Variants in NRXN3 observed in about 807,000 individuals in gnomAD.
NRXN3 encodes neurexin 3.
Under a neutral mutation model 137.6 loss-of-function variants are expected in NRXN3, and 32 were observed. The ratio of observed to expected loss-of-function variants is 0.23; its 90% CI spans 0.18 to 0.31. The LOEUF is 0.31. NRXN3 is among the 10% of genes least tolerant of loss of function. The pLI, the probability that NRXN3 is intolerant of heterozygous loss-of-function variation, is 1.00. For missense variants in NRXN3, 1,574 were observed against 2,062.5 expected, an observed-to-expected ratio of 0.76 and a Z score of 4.59; for synonymous variants, 798 against 784.5, an observed-to-expected ratio of 1.02 and a Z score of -0.29.
At chr14:79,530,246 C>A (rs1567402046) in intron 16 of NRXN3, among the ~76,000 whole-genome samples, 1 of 152,052 alleles carries the variant, frequency 6.6e-6, no homozygotes, top group Non-Finnish European at 1.5e-5. Flanking sequence ...CAGTGTAGGA[C>A]AAGCAGCAGC....
chr14:79,392,013 C>T (rs1039685539), intron 15 of NRXN3, among the ~76,000 whole-genome samples: 6 of 151,904 alleles, frequency 3.9e-5, no homozygotes, highest in Non-Finnish European at 8.8e-5. Context: ...TTTTATTATA[C>T]TTTAAGTTCT....
At chr14:78,679,362 C>CT (rs1253840919) in intron 6 of NRXN3, among the ~76,000 whole-genome samples, 3 of 152,042 alleles carry the variant, frequency 2.0e-5, no homozygotes, top group African/African-American at 7.2e-5. Flanking sequence ...AGTGTGGACC[C>CT]TTTTTTGTGT....
chr14:79,579,561 G>A (rs894362207), intron 16 of NRXN3, among the ~76,000 whole-genome samples: 11 of 151,808 alleles, frequency 7.2e-5, no homozygotes, highest in African/African-American at 2.7e-4. Flanking sequence ...ATCGGTAATA[G>A]AAGTTATTAA....
chr14:78,914,513 A>G (rs2099249732), intron 10 of NRXN3, among the ~76,000 whole-genome samples: 1 of 152,172 alleles, frequency 6.6e-6, no homozygotes, highest in Admixed American at 6.6e-5. Context: ...AGATTGCCTG[A>G]GTGAGAAGGT....
Position 78,926,698 on chromosome 14 carries a change from A to T in NRXN3, c.2276-30544A>T, listed in dbSNP as rs1256613183. Among the ~76,000 whole-genome samples the T allele has an allele frequency of 2.7e-3, 253 of 92,838 alleles. 1 individual carries two copies. Among genetic ancestry groups the T allele is most frequent in the Middle Eastern group, 4.4e-3 (1 of 226 alleles). The allele number at this position is 92,838 out of a possible 152,430, so 60.9% of individuals were successfully genotyped here. ...ATTATATATTATGTAATATATATAA[A>T]ATATATATTATATATTATATAATTA... On this transcript the variant is annotated intron_variant, in intron 10 of 20. Coordinates refer to ENST00000335750, the MANE Select transcript of NRXN3 (RefSeq NM_001330195.2).
At chr14:79,078,089 C>A (rs1244073952) in intron 15 of NRXN3, among the ~76,000 whole-genome samples, 1 of 152,060 alleles carries the variant, frequency 6.6e-6, no homozygotes, top group Non-Finnish European at 1.5e-5. Flanking sequence ...ATTTTCCCTT[C>A]TGATGTTATT....
intron 19 of NRXN3, among the ~76,000 whole-genome samples, chr14:79,702,178 C>T (rs759712987): frequency 2.9e-4 from 44 of 152,178 alleles, no homozygotes; most frequent in Middle Eastern, 3.4e-3. Context: ...TTCTCTGACA[C>T]CTCACTACCC....
chr14:78,837,308 C>G (rs1025888732), intron 10 of NRXN3, among the ~76,000 whole-genome samples: 1 of 152,134 alleles, frequency 6.6e-6, no homozygotes, highest in Non-Finnish European at 1.5e-5. Context: ...CTCTCTCCAC[C>G]TTGTGTCTAA....
intron 16 of NRXN3, among the ~76,000 whole-genome samples, chr14:79,537,599 T>G (rs1367034237): frequency 1.3e-5 from 2 of 152,208 alleles, no homozygotes; most frequent in African/African-American, 4.8e-5. Context: ...GCTTCATCCA[T>G]GTCCCTACAA....
chr14:78,922,879 A>G (rs2099274828), intron 10 of NRXN3, among the ~76,000 whole-genome samples: 2 of 152,158 alleles, frequency 1.3e-5, no homozygotes, highest in Admixed American at 6.5e-5. Context: ...AAAAAATAAT[A>G]ATAGTGTTCT....
intron 10 of NRXN3, among the ~76,000 whole-genome samples, chr14:78,899,905 G>A (rs1263047727): frequency 1.3e-5 from 2 of 151,820 alleles, no homozygotes; most frequent in Admixed American, 6.6e-5. Context: ...ATGAGATAAC[G>A]TGGAGCTTTC....
At chr14:79,248,955 T>G (rs1006715145) in intron 15 of NRXN3, 2 of 152,220 alleles carry the variant, frequency 1.3e-5, no homozygotes, top group African/African-American at 4.8e-5. Context: ...GTTGAGCTGG[T>G]GACAGCTGGT....
intron 15 of NRXN3, among the ~76,000 whole-genome samples, chr14:79,317,267 T>A (rs1247738552): frequency 1.3e-5 from 2 of 152,064 alleles, no homozygotes; most frequent in Non-Finnish European, 2.9e-5. Context: ...GGGGCCAAGA[T>A]CTCTCTGGAG....
intron 2 of NRXN3, among the ~76,000 whole-genome samples, chr14:78,277,233 A>G (rs1215396667): frequency 1.3e-5 from 2 of 152,170 alleles, no homozygotes; most frequent in Non-Finnish European, 2.9e-5. Flanking sequence ...CAGGTGTTTC[A>G]TTATCGGTTG....
At chr14:79,669,883 A>T (rs530806625) in intron 17 of NRXN3, among the ~76,000 whole-genome samples, 8 of 152,072 alleles carry the variant, frequency 5.3e-5, no homozygotes, top group East Asian at 3.9e-4. Flanking sequence ...TGTTGTTTTT[A>T]AAAAAAGCTC....
chr14:79,274,847 C>A (rs1006434305), intron 15 of NRXN3, among the ~76,000 whole-genome samples: 1 of 152,022 alleles, frequency 6.6e-6, no homozygotes, highest in Non-Finnish European at 1.5e-5. Flanking sequence ...ACAGGGAGGA[C>A]AAGGGCATAA....
chr14:78,940,625 TACA>T (rs921180914), intron 10 of NRXN3, among the ~76,000 whole-genome samples: 3 of 152,228 alleles, frequency 2.0e-5, no homozygotes, highest in Non-Finnish European at 4.4e-5. Context: ...AATGTTATTG[TACA>T]ACAAGTTGGC....
At chr14:79,386,140 A>G (rs1326580644) in intron 15 of NRXN3, among the ~76,000 whole-genome samples, 2 of 152,310 alleles carry the variant, frequency 1.3e-5, no homozygotes, top group African/African-American at 2.4e-5. Context: ...AGGGTATTCA[A>G]TTAGGAAAAG....
chr14:79,431,618 T>C (rs1004908481), intron 15 of NRXN3, among the ~76,000 whole-genome samples: 4 of 152,116 alleles, frequency 2.6e-5, no homozygotes. Flanking sequence ...AAGAAATGAA[T>C]GTAAAATCCT....
Sources: gnomAD v4.1 joint callset for allele counts (sites outside exome capture counted in the v4.1 genomes callset) on GRCh38, gnomAD v4.1.1 for gene constraint, MANE v1.5 for transcripts, NCBI Gene and HGNC (gene_info 2026-07-23, HGNC 2026-07-21) for gene names.